RPUSD1: variants seen among roughly 807,000 people sequenced by gnomAD.
RPUSD1 encodes the protein RNA pseudouridine synthase domain containing 1.
In RPUSD1, 28 loss-of-function variants were observed where a neutral mutation model predicts 22.4. That is an observed-to-expected ratio of 1.25 (90% CI 0.93 to 1.72). The LOEUF (loss-of-function observed/expected upper bound fraction) is 1.72, where lower values mean the gene tolerates loss of function less well. Ranked by LOEUF, RPUSD1 falls within the 40% of genes most tolerant of loss-of-function variation. RPUSD1 has a pLI of 0.00. For synonymous variants in RPUSD1, 298 were observed against 201.0 expected (o/e 1.48, Z -4.08); for missense variants, 596 against 442.2 (o/e 1.35, Z -3.12).
rs755109863 is a variant in RPUSD1, at chr16:785,945, G to A, written c.*5C>T. 14 of 1,430,676 alleles carry A rather than the reference G, an allele frequency of 9.8e-6. No homozygotes were observed. Among genetic ancestry groups the A allele is most frequent in the African/African-American group, 4.3e-5 (3 of 69,576 alleles). The allele number at this position is 1,430,676 out of a possible 1,614,324, so 88.6% of individuals were successfully genotyped here. On this transcript the variant is annotated 3_prime_UTR_variant, in exon 6 of 6. Transcript: ENST00000007264. Reference sequence around the variant, plus strand: ...CTGACACCCCCTGCCCCAGCCCCACGGCTCTCAGCTGTCCGGTTCCAGCGT... The same window carrying A: ...CTGACACCCCCTGCCCCAGCCCCACAGCTCTCAGCTGTCCGGTTCCAGCGT...
chr16:786,503 T>G (rs1249864306), intron 5 of RPUSD1, 126 bp from the exon 6 acceptor site: 13 of 921,410 alleles, frequency 1.4e-5, no homozygotes, highest in Non-Finnish European at 2.2e-5. Context: ...GGGGTGGAAC[T>G]CTCCCTGTCC....
At chr16:788,085 G>C in intron 1 of RPUSD1, 171 bp downstream of exon 1, 1 of 484,872 alleles carries the variant, frequency 2.1e-6, no homozygotes, top group Non-Finnish European at 3.9e-6. Context: ...GGGGCGGGGA[G>C]GGGCTGCAGC....
rs567939219 is a variant in RPUSD1 at position 788,192 on chromosome 16, C to T, written c.-8+64G>A. On this transcript the variant is annotated intron_variant, in intron 1 of 5. Coordinates refer to ENST00000007264, the MANE Select transcript of RPUSD1 (RefSeq NM_058192.3). ...CGCGCAGACCCGCGCCCCGCACAGG[C>T]CCGGTGGGCAGGCCGACCCTGGCTC... The T allele has an allele frequency of 1.2e-3, 490 of 408,996 alleles. 2 individuals carry two copies. The highest frequency in any genetic ancestry group is 2.2e-3 in the South Asian group (129 of 58,442). The allele number at this position is 408,996 out of a possible 1,614,324, so 25.3% of individuals were successfully genotyped here.
chr16:786,758 T>G (rs761743729), intron 5 of RPUSD1, 69 bp downstream of exon 5: 1 of 1,325,086 alleles, frequency 7.5e-7, no homozygotes, highest in Non-Finnish European at 1.1e-6. Flanking sequence ...TGGCCCAACA[T>G]AAGCTTCGTG....
rs1199611729 is a variant in RPUSD1 at position 787,130 on chromosome 16, C to T, written c.356G>A (p.Gly119Asp). 1 of 1,608,664 alleles carries T rather than the reference C, an allele frequency of 6.2e-7. No individual in the cohort carries two copies. The highest frequency in any genetic ancestry group is 8.5e-7 in the Non-Finnish European group (1 of 1,179,564). Reference protein sequence around the residue: ...ESRVTISHAIGRNSTEGRAHT... With the variant: ...ESRVTISHAIDRNSTEGRAHT... ...GGCCCGGCCCTCCGTGCTGTTCCTG[C>T]CAATGGCATGGCTGATGGTTACCCG... Residue 119 changes from glycine to aspartate, a missense_variant, in exon 4 of 6, where the codon GGC becomes GAC. By Grantham distance (94) the Gly-to-Asp change is moderately conservative. Transcript: ENST00000007264.
Position 787,582 on chromosome 16 carries a change from G to A in RPUSD1, c.156C>T (p.Ala52=), listed in dbSNP as rs142183031. 3.8e-5 allele frequency: 62 copies of A among 1,611,044 alleles called. No homozygotes were observed. The African/African-American group carries it at 7.9e-4, about 20-fold the overall frequency. Residue 52 remains alanine, a synonymous_variant, in exon 2 of 6, where the codon GCC becomes GCT. Coordinates refer to ENST00000007264, the MANE Select transcript of RPUSD1 (RefSeq NM_058192.3). ...KQLRYRFPEL[A]DPDTCYGFRF... is the part of the protein sequence containing the mutation. ...TGAACCCGTAGCAGGTGTCAGGGTC[G>A]GCCAGCTCGGGAAAGCGGTACCGCA...
At position 785,864 on chromosome 16, in the gene RPUSD1, CCAGAGCCAGTGA is replaced by C; in HGVS notation, c.*74_*85del. On this transcript the variant is annotated 3_prime_UTR_variant, in exon 6 of 6. Transcript: ENST00000007264. ...TGATGCTGCCTGGCACCTCGAGGCCCCAGAGCCAGTGAGCAGACGCTCGCTCGCCCATCTCCC... is the reference window on the plus strand; with the variant it reads ...TGATGCTGCCTGGCACCTCGAGGCCCGCAGACGCTCGCTCGCCCATCTCCC... 4 of 1,237,470 alleles carry C rather than the reference CCAGAGCCAGTGA, an allele frequency of 3.2e-6. No individual in the cohort carries two copies. The highest frequency in any genetic ancestry group is 4.2e-6 in the Non-Finnish European group (4 of 945,212). 76.7% of individuals were successfully genotyped at this position (1,237,470 alleles called of 1,614,324 possible).
rs1258357416 is a variant in RPUSD1, at chr16:787,619, A to G, written c.119T>C (p.Leu40Pro). 6.2e-7 allele frequency: 1 copy of G among 1,611,728 alleles called. No individual in the cohort carries two copies. The highest frequency in any genetic ancestry group is 1.7e-5 in the Admixed American group (1 of 59,998). ...DSKAWRETLTLQKQLRYRFPE... is the reference protein window; with the variant it reads ...DSKAWRETLTPQKQLRYRFPE... Reference sequence around the variant, plus strand: ...AAAGCGGTACCGCAGCTGCTTCTGCAGGGTCAGAGTCTCCCGCCACGCCTT... The same window carrying G: ...AAAGCGGTACCGCAGCTGCTTCTGCGGGGTCAGAGTCTCCCGCCACGCCTT... The change falls in exon 2 of 6, where the codon CTG becomes CCG. Residue 40 changes from leucine (L) to proline (P), a missense_variant. Transcript: ENST00000007264.
chr16:786,582 G>A (rs373617694), intron 5 of RPUSD1: 9 of 745,558 alleles, frequency 1.2e-5, no homozygotes, highest in Admixed American at 6.0e-5. Context: ...GGTGAGGACA[G>A]GGCCAGGGTG....
In RPUSD1 at chr16:785,958, C is replaced by T. The variant is rs550513770; in HGVS notation, c.931G>A (p.Asp311Asn). The T allele has an allele frequency of 1.4e-6, 2 of 1,438,642 alleles. No homozygotes were observed. The highest frequency in any genetic ancestry group is 2.5e-5 in the East Asian group (1 of 39,944). 89.1% of individuals were successfully genotyped at this position (1,438,642 alleles called of 1,614,324 possible). A position where few individuals can be genotyped will look rare whatever the true frequency, so the allele number is the denominator to read the frequency against. The part of the protein sequence containing the change: ...QWLSEWTLEP[D>N]S ...CCCCAGCCCCACGGCTCTCAGCTGT[C>T]CGGTTCCAGCGTCCACTCCGACAGC... The change falls in exon 6 of 6, where the codon GAC becomes AAC. Residue 311 changes from aspartate to asparagine, a missense_variant. Asp to Asn is a conservative substitution (Grantham distance 23). Transcript: ENST00000007264.
chr16:786,744 A>G, intron 5 of RPUSD1, 83 bp downstream of exon 5: 2 of 1,116,028 alleles, frequency 1.8e-6, no homozygotes, highest in South Asian at 1.2e-5. Flanking sequence ...CCTGATGCTC[A>G]GGGTGGCCCA....
chr16:787,709 G>C lies in RPUSD1; in HGVS notation c.29C>G (p.Ser10Cys). Reference protein sequence around the residue: MEPGSVENLSIVYRSRDFLV... With the variant: MEPGSVENLCIVYRSRDFLV... ...GAAGTCGCGGCTCCGGTACACGATG[G>C]ACAGGTTCTCCACGCTGCCTGGCTC... Residue 10 changes from serine (S) to cysteine (C), a missense_variant, in exon 2 of 6, where the codon TCC becomes TGC. Physicochemically the swap from Ser to Cys is moderately radical, Grantham distance 112 (BLOSUM62 -1). Transcript: ENST00000007264. The C allele has an allele frequency of 6.2e-7, 1 of 1,611,540 alleles. No individual in the cohort carries two copies.
At chr16:786,668 G>A (rs760830835) in intron 5 of RPUSD1, 159 bp downstream of exon 5, 3 of 762,382 alleles carry the variant, frequency 3.9e-6, no homozygotes, top group African/African-American at 3.4e-5. Flanking sequence ...CCCTGTGTCA[G>A]GTGAGAAGCT....
chr16:785,747 G>A lies in RPUSD1; in HGVS notation c.*203C>T, dbSNP rs914549578. 6.9e-6 allele frequency: 3 copies of A among 432,930 alleles called. No homozygotes were observed. Among genetic ancestry groups the A allele is most frequent in the African/African-American group, 2.0e-5 (1 of 48,940 alleles). The allele number at this position is 432,930 out of a possible 1,614,324, so 26.8% of individuals were successfully genotyped here. On this transcript the variant is annotated 3_prime_UTR_variant, in exon 6 of 6. Coordinates refer to ENST00000007264, the MANE Select transcript of RPUSD1 (RefSeq NM_058192.3). Reference sequence around the variant, plus strand: ...CGCATCAGTCCCACGGCCGCGGTGCGGTCGTCACCTGTGATCACGGCTGCC... The same window carrying A: ...CGCATCAGTCCCACGGCCGCGGTGCAGTCGTCACCTGTGATCACGGCTGCC...
intron 5 of RPUSD1, 115 bp downstream of exon 5, chr16:786,712 G>A (rs765556910): frequency 9.1e-6 from 8 of 882,902 alleles, no homozygotes; most frequent in South Asian, 6.6e-5. Flanking sequence ...AAGAACGCAG[G>A]AGTGCTTGTT....
intron 3 of RPUSD1, 81 bp from the exon 4 acceptor site, chr16:787,260 G>C: frequency 6.5e-7 from 1 of 1,547,258 alleles, no homozygotes; most frequent in Non-Finnish European, 8.7e-7. Context: ...AAGCAACCAC[G>C]TAGAGCGTGG....
At position 785,109 on chromosome 16, in the gene RPUSD1, C is replaced by T. The variant is rs1042235134; in HGVS notation, c.*841G>A. ...AGCTCCCAAGCTGGGGTCCCGGAGGCAGAGTGACAATGCATGGCTGTGTGG... is the reference window on the plus strand; with the variant it reads ...AGCTCCCAAGCTGGGGTCCCGGAGGTAGAGTGACAATGCATGGCTGTGTGG... On this transcript the variant is annotated 3_prime_UTR_variant, in exon 6 of 6. Transcript: ENST00000007264. 1 of 152,362 alleles carries T rather than the reference C, an allele frequency of 6.6e-6. No individual in the cohort carries two copies. The highest frequency in any genetic ancestry group is 1.5e-5 in the Non-Finnish European group (1 of 68,122). The allele number at this position is 152,362 out of a possible 1,614,324, so 9.4% of individuals were successfully genotyped here. A position where few individuals can be genotyped will look rare whatever the true frequency, so the allele number is the denominator to read the frequency against.
intron 3 of RPUSD1, 29 bp downstream of exon 3, chr16:787,325 G>A (rs762910856): frequency 3.2e-6 from 5 of 1,563,512 alleles, no homozygotes; most frequent in East Asian, 2.4e-5. Context: ...GAGTCCCCAC[G>A]CCCCACCCCA....
In RPUSD1 at chr16:787,404, C is replaced by A; in HGVS notation, c.256G>T (p.Ala86Ser). 3 of 1,586,502 alleles carry A rather than the reference C, an allele frequency of 1.9e-6. No individual in the cohort carries two copies. The highest frequency in any genetic ancestry group is 2.6e-6 in the Non-Finnish European group (3 of 1,166,416). The change falls in exon 3 of 6, where the codon GCG (alanine) becomes TCG (serine). Residue 86 changes from alanine (A) to serine (S), a missense_variant. Coordinates refer to ENST00000007264, the MANE Select transcript of RPUSD1 (RefSeq NM_058192.3). Reference sequence around the variant, plus strand: ...CGCCGCTCCTTGAAGCACCTGTACGCGCTGCCGGCGGCTGCCTTGTTTAGG... The same window carrying A: ...CGCCGCTCCTTGAAGCACCTGTACGAGCTGCCGGCGGCTGCCTTGTTTAGG... Reference protein sequence around the residue: ...VALNKAAAGSAYRCFKERRVT... With the variant: ...VALNKAAAGSSYRCFKERRVT...
Sources: gnomAD v4.1 joint callset for allele counts on GRCh38, gnomAD v4.1.1 for gene constraint, MANE v1.5 for transcripts, NCBI Gene and HGNC (gene_info 2026-07-23, HGNC 2026-07-21) for gene names.